Variants in PCSK6 observed in about 807,000 individuals in gnomAD.
The protein encoded by PCSK6 is proprotein convertase subtilisin/kexin type 6.
In PCSK6, 85 loss-of-function variants were observed where a neutral mutation model predicts 123.3. The observed-to-expected ratio is 0.69, with a 90% CI of 0.58 to 0.83. The LOEUF (loss-of-function observed/expected upper bound fraction) is 0.83, where lower values mean the gene tolerates loss of function less well. Among genes scored for constraint, PCSK6 ranks in the 40% least tolerant of loss-of-function variants. PCSK6 has a pLI of 0.00. For synonymous variants in PCSK6, 508 were observed against 516.0 expected (o/e 0.98, Z 0.21); for missense variants, 1,191 against 1,282.3 (o/e 0.93, Z 1.09).
intron 18 of PCSK6, among the ~76,000 whole-genome samples, chr15:101,321,714 G>T (rs2040125928): frequency 6.6e-6 from 1 of 152,240 alleles, no homozygotes; most frequent in African/African-American, 2.4e-5. Context: ...TCCCTGCCTG[G>T]ACCGCAGCAT....
chr15:101,419,759 C>G (rs997709470), intron 6 of PCSK6, among the ~76,000 whole-genome samples: 6 of 151,518 alleles, frequency 4.0e-5, no homozygotes, highest in Admixed American at 6.6e-5. Context: ...ACTAAGGAAA[C>G]GTAAGGGCAG....
chr15:101,366,365 G>A (rs1159247081), intron 12 of PCSK6, 33 bp from the exon 13 acceptor site: 3 of 1,598,110 alleles, frequency 1.9e-6, no homozygotes, highest in African/African-American at 1.3e-5. Flanking sequence ...AGAAATGAAG[G>A]TGCTGGTACT....
At chr15:101,482,765 GCCA>G (rs1483169073) in intron 1 of PCSK6, among the ~76,000 whole-genome samples, 2 of 152,042 alleles carry the variant, frequency 1.3e-5, no homozygotes, top group Non-Finnish European at 2.9e-5. Flanking sequence ...AGTCAGCTGA[GCCA>G]CCTGCTCAGT....
At chr15:101,417,773 A>T (rs2055938168) in intron 6 of PCSK6, among the ~76,000 whole-genome samples, 1 of 152,078 alleles carries the variant, frequency 6.6e-6, no homozygotes. Flanking sequence ...AATAAGTAAA[A>T]GCAGAAATTT....
intron 6 of PCSK6, 128 bp downstream of exon 6, chr15:101,427,764 C>G (rs1301139249): frequency 6.0e-6 from 4 of 666,316 alleles, no homozygotes; most frequent in African/African-American, 1.8e-5. Flanking sequence ...ACTGCTGCGT[C>G]TGGCCCAGGG....
At chr15:101,332,117 TC>T in intron 13 of PCSK6, 86 bp from the exon 14 acceptor site, 1 of 1,257,426 alleles carries the variant, frequency 8.0e-7, no homozygotes, top group Non-Finnish European at 1.1e-6. Flanking sequence ...GCCTGGCTCC[TC>T]CCCTGATAGC....
chr15:101,484,205 T>C (rs2057963931), intron 1 of PCSK6, among the ~76,000 whole-genome samples: 1 of 152,116 alleles, frequency 6.6e-6, no homozygotes, highest in African/African-American at 2.4e-5. Flanking sequence ...CACATAAGCG[T>C]GTGTTGTAAA....
intron 10 of PCSK6, among the ~76,000 whole-genome samples, chr15:101,383,268 G>A (rs1430482464): frequency 3.3e-5 from 5 of 151,918 alleles, no homozygotes; most frequent in South Asian, 2.1e-4. Flanking sequence ...TTAGCTGGGC[G>A]TGGTAGCAGG....
chr15:101,364,226 G>A (rs1370228049), intron 13 of PCSK6, among the ~76,000 whole-genome samples: 1 of 152,186 alleles, frequency 6.6e-6, no homozygotes, highest in Non-Finnish European at 1.5e-5. Flanking sequence ...AAAGGGCACA[G>A]GGAACGACGG....
At position 101,304,895 on chromosome 15, in the gene PCSK6, A is replaced by G; in HGVS notation, c.*363T>C. ...ACAGCCGCAGAAAAGCACGGGGAGA[A>G]GAGTGATGTGTGATGCCAAGCGCCT... On this transcript the variant is annotated 3_prime_UTR_variant, in exon 22 of 22. Transcript: ENST00000611716. 5.0e-6 allele frequency: 1 copy of G among 199,122 alleles called. No homozygotes were observed. Among genetic ancestry groups the G allele is most frequent in the Non-Finnish European group, 1.0e-5 (1 of 96,848 alleles). 12.3% of individuals were successfully genotyped at this position (199,122 alleles called of 1,614,324 possible). A position where few individuals can be genotyped will look rare whatever the true frequency, so the allele number is the denominator to read the frequency against.
chr15:101,439,554 G>T (rs1241440446), intron 2 of PCSK6, among the ~76,000 whole-genome samples: 3 of 152,220 alleles, frequency 2.0e-5, no homozygotes, highest in Non-Finnish European at 2.9e-5. Context: ...CTCAGCCCAT[G>T]ACACAGTTCA....
chr15:101,366,799 C>T (rs902239889), intron 12 of PCSK6, among the ~76,000 whole-genome samples: 5 of 152,176 alleles, frequency 3.3e-5, no homozygotes, highest in Admixed American at 2.6e-4. Context: ...AGAGTGCTCA[C>T]TAAGGACGCC....
chr15:101,385,381 T>G (rs1596268696), intron 9 of PCSK6, among the ~76,000 whole-genome samples: 1 of 152,266 alleles, frequency 6.6e-6, no homozygotes. Context: ...ATACCTCTTA[T>G]AAGCCCCTCT....
chr15:101,387,886 C>T (rs977467630), intron 9 of PCSK6, among the ~76,000 whole-genome samples: 1 of 152,246 alleles, frequency 6.6e-6, no homozygotes, highest in Non-Finnish European at 1.5e-5. Flanking sequence ...TCAACCGTTC[C>T]TTCCTTGACC....
At chr15:101,406,064 C>T (rs995220403) in intron 6 of PCSK6, among the ~76,000 whole-genome samples, 6 of 152,162 alleles carry the variant, frequency 3.9e-5, no homozygotes, top group South Asian at 2.1e-4. Context: ...ATTTATATCT[C>T]GACTTTCCAA....
chr15:101,348,092 G>C (rs939909117), intron 13 of PCSK6, among the ~76,000 whole-genome samples: 2 of 152,232 alleles, frequency 1.3e-5, no homozygotes, highest in African/African-American at 4.8e-5. Context: ...CAGATGCTGG[G>C]GAGGCCTGAT....
At chr15:101,397,695 C>G (rs540358969) in intron 7 of PCSK6, among the ~76,000 whole-genome samples, 59 of 152,360 alleles carry the variant, frequency 3.9e-4, no homozygotes, top group African/African-American at 1.3e-3. Flanking sequence ...CAGAAATCTG[C>G]CTTGCCACCC....
In PCSK6 at chr15:101,366,473, C is replaced by T. The variant is rs2041395469; in HGVS notation, c.1722-141G>A. On this transcript the variant is annotated intron_variant, in intron 12 of 21. Transcript: ENST00000611716. ...CAGGGTAGCGGGGGTCTGGCCCCAG[C>T]CAACCCGAGGGCAAAGGGCACAGTG... is the stretch of plus-strand genomic sequence containing the variant. 8 of 719,044 alleles carry T rather than the reference C, an allele frequency of 1.1e-5. No individual in the cohort carries two copies. In the South Asian group the frequency reaches 1.8e-4, roughly 16 times the overall value. 44.5% of individuals were successfully genotyped at this position (719,044 alleles called of 1,614,324 possible). A position where few individuals can be genotyped will look rare whatever the true frequency, so the allele number is the denominator to read the frequency against.
intron 1 of PCSK6, among the ~76,000 whole-genome samples, chr15:101,458,620 C>T (rs1291661774): frequency 6.6e-6 from 1 of 152,168 alleles, no homozygotes; most frequent in Non-Finnish European, 1.5e-5. Flanking sequence ...AAACAGACCC[C>T]AGCACCCGAA....
Sources: allele counts gnomAD v4.1 joint callset (sites outside exome capture counted in the v4.1 genomes callset), GRCh38; gene constraint gnomAD v4.1.1; transcripts MANE v1.5; gene names NCBI Gene and HGNC (gene_info 2026-07-23, HGNC 2026-07-21).